Variants in PHACTR2 observed in about 807,000 individuals in gnomAD.
The protein encoded by PHACTR2 is phosphatase and actin regulator 2.
A neutral mutation model predicts 76.0 loss-of-function variants in PHACTR2; 30 were observed. The observed-to-expected ratio is 0.39, with a 90% CI of 0.30 to 0.54. The LOEUF is 0.54. Among genes scored for constraint, PHACTR2 ranks in the 20% least tolerant of loss-of-function variants. The pLI, the probability that PHACTR2 is intolerant of heterozygous loss-of-function variation, is 0.61. For missense variants in PHACTR2, 696 were observed against 781.1 expected, an observed-to-expected ratio of 0.89 and a Z score of 1.30; for synonymous variants, 292 against 292.5, an observed-to-expected ratio of 1.00 and a Z score of 0.02.
chr6:143,737,672 G>A (rs1778851042), intron 2 of PHACTR2, among the ~76,000 whole-genome samples: 1 of 152,192 alleles, frequency 6.6e-6, no homozygotes, highest in Admixed American at 6.5e-5. Flanking sequence ...TACAGTTTCA[G>A]CTACAGTGAA....
Position 143,629,214 on chromosome 6 carries a change from C to G in PHACTR2, c.13+20892C>G, listed in dbSNP as rs1241153376. The stretch of plus-strand genomic sequence containing the variant: ...ATGAAAATCATATTGGTCATATGCC[C>G]TCTCCCTAAGCATCTTCTGGAGGGG... On this transcript the variant is annotated intron_variant, in intron 1 of 11. Coordinates refer to the PHACTR2 transcript ENST00000305766. 2.6e-5 allele frequency among the ~76,000 whole-genome samples: 4 copies of G among 151,872 alleles called. No individual in the cohort carries two copies. In the East Asian group the frequency reaches 7.7e-4, roughly 29 times the overall value.
chr6:143,788,942 T>C, intron 11 of PHACTR2, 32 bp downstream of exon 11: 1 of 1,585,888 alleles, frequency 6.3e-7, no homozygotes, highest in Non-Finnish European at 8.6e-7. Context: ...GTGTTGATTG[T>C]ATTGCTTTTC....
rs376720556 is a variant in PHACTR2, at chr6:143,774,033, C to T, written c.1433-26C>T. 1.2e-6 allele frequency: 2 copies of T among 1,607,486 alleles called. No homozygotes were observed. Among genetic ancestry groups the T allele is most frequent in the East Asian group, 2.2e-5 (1 of 44,826 alleles). ...CACTGGCTAAAAGCCTCTCTCTCTG[C>T]ATTTCTGCTCTTTTTCAATCCTCAG... is the stretch of plus-strand genomic sequence containing the variant. On this transcript the variant is annotated intron_variant, in intron 7 of 12. Coordinates refer to ENST00000440869, the MANE Select transcript of PHACTR2 (RefSeq NM_001100164.2). The surrounding 1 kb of genome is among the most constrained non-coding windows in gnomAD (Gnocchi z 5.4).
chr6:143,577,543 A>T (rs12526234), intron 1 of PHACTR2, among the ~76,000 whole-genome samples: 93,119 of 151,322 alleles, frequency 0.62, 28,931 homozygotes, highest in Middle Eastern at 0.76. Context: ...AGGCATTGAG[A>T]TGAGAATGCC....
intron 1 of PHACTR2, among the ~76,000 whole-genome samples, chr6:143,564,196 C>CATATATATATATATATATATACATATAT (rs1775326587): frequency 2.5e-5 from 1 of 40,286 alleles, no homozygotes; most frequent in Non-Finnish European, 4.9e-5. Flanking sequence ...TGTGTGTGTG[C>CATATATATATATATATATATACATATAT]ATATATATAT....
In PHACTR2 at chr6:143,648,069, A is replaced by G. The variant is rs1056511443; in HGVS notation, c.13+39747A>G. Among the ~76,000 whole-genome samples the G allele has an allele frequency of 1.3e-5, 2 of 152,066 alleles. No homozygotes were observed. The highest frequency in any genetic ancestry group is 4.8e-5 in the African/African-American group (2 of 41,388). Reference sequence around the variant, plus strand: ...CTGCGACAGAGCCACAACAGTTGGGAACTGGTGGGTGATGACATTTGGGGT... The same window carrying G: ...CTGCGACAGAGCCACAACAGTTGGGGACTGGTGGGTGATGACATTTGGGGT... On this transcript the variant is annotated intron_variant, in intron 1 of 11. Transcript: ENST00000305766. The surrounding 1 kb of genome is among the most constrained non-coding windows in gnomAD (Gnocchi z 6.7).
chr6:143,745,658 C>G (rs1258275455), intron 2 of PHACTR2, among the ~76,000 whole-genome samples: 3 of 152,240 alleles, frequency 2.0e-5, no homozygotes, highest in African/African-American at 7.2e-5. Context: ...ACTTGTACTG[C>G]TGTGAGAGCG....
chr6:143,678,156 C>T lies in PHACTR2; in HGVS notation c.-8C>T, dbSNP rs1165912526. On this transcript the variant is annotated 5_prime_UTR_variant, in exon 1 of 13. Coordinates refer to ENST00000440869, the MANE Select transcript of PHACTR2 (RefSeq NM_001100164.2). This position sits in a 1 kb window ranked among gnomAD's most constrained non-coding sequence, Gnocchi z 6.2. The stretch of plus-strand genomic sequence containing the variant: ...TTGATCGCTGGACCTGGCCCTGCGA[C>T]CCCAGTCATGGGCCAGACCTCGGTG... The T allele has an allele frequency of 6.5e-7, 1 of 1,545,156 alleles. No individual in the cohort carries two copies. Among genetic ancestry groups the T allele is most frequent in the East Asian group, 2.5e-5 (1 of 40,474 alleles).
In PHACTR2 at chr6:143,807,188, T is replaced by C; in HGVS notation, c.1922+55T>C. 1 of 1,002,452 alleles carries C rather than the reference T, an allele frequency of 1.0e-6. No individual in the cohort carries two copies. The highest frequency in any genetic ancestry group is 1.5e-6 in the Non-Finnish European group (1 of 651,002). The allele number at this position is 1,002,452 out of a possible 1,614,324, so 62.1% of individuals were successfully genotyped here. A position where few individuals can be genotyped will look rare whatever the true frequency, so the allele number is the denominator to read the frequency against. ...AAAATGCTTAAGATGTGATCCCATG[T>C]TGAGTTGGTTAAAAAAAGAAATTGC... On this transcript the variant is annotated intron_variant, in intron 12 of 12. Coordinates refer to ENST00000440869, the MANE Select transcript of PHACTR2 (RefSeq NM_001100164.2). The surrounding 1 kb of genome is among the most constrained non-coding windows in gnomAD (Gnocchi z 5.5).
At position 143,755,266 on chromosome 6, in the gene PHACTR2, G is replaced by A. The variant is rs1252580935; in HGVS notation, c.454+1354G>A. 2 of 456,010 alleles carry A rather than the reference G, an allele frequency of 4.4e-6. No individual in the cohort carries two copies. The highest frequency in any genetic ancestry group is 2.0e-5 in the African/African-American group (1 of 50,178). The allele number at this position is 456,010 out of a possible 1,614,324, so 28.2% of individuals were successfully genotyped here. On this transcript the variant is annotated intron_variant, in intron 4 of 12. Coordinates refer to ENST00000440869, the MANE Select transcript of PHACTR2 (RefSeq NM_001100164.2). The surrounding 1 kb of genome is among the most constrained non-coding windows in gnomAD (Gnocchi z 5.2). ...AGTTGAAAGTATTAACGCAAGTAGTGATGTTTTTTGTTTAAGTCTTTCTGT... is the reference window on the plus strand; with the variant it reads ...AGTTGAAAGTATTAACGCAAGTAGTAATGTTTTTTGTTTAAGTCTTTCTGT...
At position 143,656,312 on chromosome 6, in the gene PHACTR2, C is replaced by T. The variant is rs1032884005; in HGVS notation, c.13+47990C>T. Among the ~76,000 whole-genome samples the T allele has an allele frequency of 6.6e-6, 1 of 152,150 alleles. No homozygotes were observed. Among genetic ancestry groups the T allele is most frequent in the Non-Finnish European group, 1.5e-5 (1 of 68,022 alleles). On this transcript the variant is annotated intron_variant, in intron 1 of 11. Transcript: ENST00000305766. The surrounding 1 kb of genome is among the most constrained non-coding windows in gnomAD (Gnocchi z 5.3). ...AACTGAGAGATCTCTCAAGTCTTTCCTGGCTGTAACAGTTACAGGGGCGTC... is the reference window on the plus strand; with the variant it reads ...AACTGAGAGATCTCTCAAGTCTTTCTTGGCTGTAACAGTTACAGGGGCGTC...
intron 1 of PHACTR2, among the ~76,000 whole-genome samples, chr6:143,593,216 T>G (rs978667920): frequency 2.0e-5 from 3 of 152,152 alleles, no homozygotes; most frequent in African/African-American, 7.2e-5. Flanking sequence ...ATTATGGCCC[T>G]GTCCTCATAG....
chr6:143,828,013 G>C lies in PHACTR2; in HGVS notation c.*4324G>C, dbSNP rs984726712. Reference sequence around the variant, plus strand: ...CAAAAAAAAAAAAGTATCTGGGCATGGTGGCTTGTGCCTGTAATCCCAGCT... The same window carrying C: ...CAAAAAAAAAAAAGTATCTGGGCATCGTGGCTTGTGCCTGTAATCCCAGCT... On this transcript the variant is annotated 3_prime_UTR_variant, in exon 13 of 13. Coordinates refer to ENST00000440869, the MANE Select transcript of PHACTR2 (RefSeq NM_001100164.2). This position sits in a 1 kb window ranked among gnomAD's most constrained non-coding sequence, Gnocchi z 4.7. 5 of 151,990 alleles carry C rather than the reference G, an allele frequency of 3.3e-5. No individual in the cohort carries two copies. Among genetic ancestry groups the C allele is most frequent in the Non-Finnish European group, 7.4e-5 (5 of 68,006 alleles). 9.4% of individuals were successfully genotyped at this position (151,990 alleles called of 1,614,324 possible).
chr6:143,789,102 CAG>C lies in PHACTR2; in HGVS notation c.1845+196_1845+197del. On this transcript the variant is annotated intron_variant, in intron 11 of 12. Transcript: ENST00000440869. The surrounding 1 kb of genome is among the most constrained non-coding windows in gnomAD (Gnocchi z 5.1). ...CAATGTAGTTCTTTCAACTAAGTCTCAGAGAAAAGTAGTTATTTACCATATAA... is the reference window on the plus strand; with the variant it reads ...CAATGTAGTTCTTTCAACTAAGTCTCAGAAAAGTAGTTATTTACCATATAA... 1 of 467,422 alleles carries C rather than the reference CAG, an allele frequency of 2.1e-6. No homozygotes were observed. 29.0% of individuals were successfully genotyped at this position (467,422 alleles called of 1,614,324 possible).
chr6:143,733,365 A>G lies in PHACTR2; in HGVS notation c.215-15620A>G, dbSNP rs742959. Among the ~76,000 whole-genome samples the G allele has an allele frequency of 0.068, 10,279 of 152,256 alleles. 1,160 individuals carry two copies. The highest frequency in any genetic ancestry group is 0.23 in the African/African-American group (9,641 of 41,522). ...TTTCTTCTTTGGTGAGATCTCAAAG[A>G]AACTTGTATAGTGCCTGGCTTATGT... On this transcript the variant is annotated intron_variant, in intron 2 of 12. Transcript: ENST00000440869. This position sits in a 1 kb window ranked among gnomAD's most constrained non-coding sequence, Gnocchi z 4.0.
Position 143,722,714 on chromosome 6 carries a change from T to C in PHACTR2, c.214+10531T>C, listed in dbSNP as rs1386818297. On this transcript the variant is annotated intron_variant, in intron 2 of 12. Coordinates refer to ENST00000440869, the MANE Select transcript of PHACTR2 (RefSeq NM_001100164.2). The surrounding 1 kb of genome is among the most constrained non-coding windows in gnomAD (Gnocchi z 4.1). ...GCTACTGAACACTAGATCTATTCTT[T>C]CTATCTAACTGTACATTTGTACCCC... 3.3e-5 allele frequency among the ~76,000 whole-genome samples: 5 copies of C among 152,152 alleles called. No homozygotes were observed. Among genetic ancestry groups the C allele is most frequent in the Non-Finnish European group, 5.9e-5 (4 of 68,026 alleles).
rs1428755061 is a variant in PHACTR2 at position 143,561,463 on chromosome 6, C to G, written c.217+24256C>G. 1 of 152,370 alleles carries G rather than the reference C, an allele frequency of 6.6e-6. No homozygotes were observed. Among genetic ancestry groups the G allele is most frequent in the Non-Finnish European group, 1.5e-5 (1 of 68,128 alleles). The allele number at this position is 152,370 out of a possible 1,614,324, so 9.4% of individuals were successfully genotyped here. A position where few individuals can be genotyped will look rare whatever the true frequency, so the allele number is the denominator to read the frequency against. On this transcript the variant is annotated intron_variant, in intron 1 of 11. Coordinates refer to the PHACTR2 transcript ENST00000367584. The surrounding 1 kb of genome is among the most constrained non-coding windows in gnomAD (Gnocchi z 4.1). ...ACCACCCAGGTCCTGTGGTTGAAGT[C>G]TCAGCCTTTTGGAGGAAGGCGTTGC...
chr6:143,721,917 T>G (rs1314256234), intron 2 of PHACTR2, among the ~76,000 whole-genome samples: 1 of 152,196 alleles, frequency 6.6e-6, no homozygotes, highest in Non-Finnish European at 1.5e-5. Context: ...TGGCAGTACC[T>G]CATGTGTTCT....
rs1404244256 is a variant in PHACTR2, at chr6:143,537,704, G to T, written c.217+497G>T. 6.6e-6 allele frequency among the ~76,000 whole-genome samples: 1 copy of T among 152,206 alleles called. No homozygotes were observed. Among genetic ancestry groups the T allele is most frequent in the Non-Finnish European group, 1.5e-5 (1 of 68,032 alleles). On this transcript the variant is annotated intron_variant, in intron 1 of 11. Transcript: ENST00000367584. The surrounding 1 kb of genome is among the most constrained non-coding windows in gnomAD (Gnocchi z 4.4). ...CGCCTTTTGCGGGTTGCTGGTAAGA[G>T]GACCCGGGATATGAGTTTTTCCTCC...
Sources: allele counts gnomAD v4.1 joint callset (sites outside exome capture counted in the v4.1 genomes callset), GRCh38; gene constraint gnomAD v4.1.1; non-coding constraint Gnocchi (gnomAD v3.1); transcripts MANE v1.5; gene names NCBI Gene and HGNC (gene_info 2026-07-23, HGNC 2026-07-21).